The following CORO1C variants were observed in gnomAD, a reference collection of about 807,000 sequenced individuals.
CORO1C encodes the protein coronin 1C.
Under a neutral mutation model 51.2 loss-of-function variants are expected in CORO1C, and 14 were observed. That is an observed-to-expected ratio of 0.27 (90% confidence interval 0.18 to 0.43). The LOEUF is 0.43. Ranked by LOEUF, CORO1C falls within the 20% of genes least tolerant of loss-of-function variation. CORO1C has a pLI of 1.00. For missense variants in CORO1C, 417 were observed against 607.8 expected, an observed-to-expected ratio of 0.69 and a Z score of 3.30; for synonymous variants, 181 against 210.5, an observed-to-expected ratio of 0.86 and a Z score of 1.21.
At chr12:108,699,230 A>G (rs1415261420) in intron 2 of CORO1C, among the ~76,000 whole-genome samples, 2 of 152,234 alleles carry the variant, frequency 1.3e-5, no homozygotes, top group East Asian at 3.8e-4. Context: ...AAACCAAATC[A>G]TAAGATCAGT....
chr12:108,683,865 C>T (rs2034208497), intron 2 of CORO1C, among the ~76,000 whole-genome samples: 1 of 152,050 alleles, frequency 6.6e-6, no homozygotes, highest in East Asian at 1.9e-4. Flanking sequence ...TTCCAGAGAA[C>T]AGAAAAAAGA....
chr12:108,724,463 C>T (rs2136890081), intron 1 of CORO1C, among the ~76,000 whole-genome samples: 1 of 152,322 alleles, frequency 6.6e-6, no homozygotes. Context: ...AAAGTCTCCT[C>T]ATCTGTAAAA....
chr12:108,661,918 A>C (rs898481223), intron 4 of CORO1C, 111 bp downstream of exon 4: 1 of 1,218,462 alleles, frequency 8.2e-7, no homozygotes. Flanking sequence ...TGGTTTCCTA[A>C]TAATCTGCTT....
intron 4 of CORO1C, 47 bp downstream of exon 4, chr12:108,661,982 C>T: frequency 6.2e-7 from 1 of 1,611,492 alleles, no homozygotes; most frequent in Non-Finnish European, 8.5e-7. Flanking sequence ...ACTCAGAGAG[C>T]CACAAGAGTG....
At chr12:108,693,126 A>G (rs1339817389) in intron 2 of CORO1C, among the ~76,000 whole-genome samples, 1 of 152,040 alleles carries the variant, frequency 6.6e-6, no homozygotes, top group East Asian at 1.9e-4. Context: ...CCTCCCCCCT[A>G]AAGAAAAATT....
At position 108,647,540 on chromosome 12, in the gene CORO1C, G is replaced by C; in HGVS notation, c.1306-18C>G. 6.4e-7 allele frequency: 1 copy of C among 1,569,098 alleles called. No homozygotes were observed. Among genetic ancestry groups the C allele is most frequent in the East Asian group, 2.3e-5 (1 of 44,430 alleles). On this transcript the variant is annotated intron_variant, in intron 10 of 10. Coordinates refer to ENST00000261401, the MANE Select transcript of CORO1C (RefSeq NM_014325.4). ...TCATTTTGCTAAGAAAACAAAAAAA[G>C]GAGGCAGTGATTAAAATGCAGTAAA...
chr12:108,722,617 C>T (rs550519149), intron 1 of CORO1C, among the ~76,000 whole-genome samples: 1 of 152,316 alleles, frequency 6.6e-6, no homozygotes, highest in South Asian at 2.1e-4. Flanking sequence ...ACTTACAATG[C>T]TGAATCAACA....
intron 3 of CORO1C, among the ~76,000 whole-genome samples, chr12:108,668,920 A>T (rs550247366): frequency 6.6e-6 from 1 of 152,342 alleles, no homozygotes; most frequent in Admixed American, 6.5e-5. Context: ...ACAATCTTAA[A>T]ACTCTCTTTG....
intron 1 of CORO1C, among the ~76,000 whole-genome samples, chr12:108,724,599 A>G (rs2035544718): frequency 6.6e-6 from 1 of 152,232 alleles, no homozygotes; most frequent in Non-Finnish European, 1.5e-5. Flanking sequence ...GTCAAGAATG[A>G]GGACCTCTGT....
chr12:108,700,984 G>A, intron 2 of CORO1C, 140 bp downstream of exon 2: 1 of 899,930 alleles, frequency 1.1e-6, no homozygotes, highest in Non-Finnish European at 1.8e-6. Flanking sequence ...TGGTTAGTAA[G>A]GCGTGTGGAA....
At chr12:108,655,392 G>A (rs1355378504) in intron 6 of CORO1C, among the ~76,000 whole-genome samples, 15 of 55,496 alleles carry the variant, frequency 2.7e-4, no homozygotes, top group African/African-American at 5.8e-4. Flanking sequence ...CTCTCCCCAC[G>A]GTCTCCCTCT....
intron 7 of CORO1C, 111 bp from the exon 8 acceptor site, chr12:108,652,528 AG>A (rs1407186044): frequency 5.1e-6 from 4 of 790,772 alleles, no homozygotes; most frequent in Non-Finnish European, 8.4e-6. Flanking sequence ...CCGCTTCAGT[AG>A]CTGACCTTTT....
chr12:108,673,353 G>A (rs1330759568), intron 3 of CORO1C, among the ~76,000 whole-genome samples: 3 of 152,206 alleles, frequency 2.0e-5, no homozygotes, highest in African/African-American at 7.2e-5. Context: ...CATGGAGGCT[G>A]ACAGAGGTGA....
chr12:108,658,990 A>G lies in CORO1C; in HGVS notation c.449-71T>C. 1 of 1,480,664 alleles carries G rather than the reference A, an allele frequency of 6.8e-7. No individual in the cohort carries two copies. The highest frequency in any genetic ancestry group is 9.3e-7 in the Non-Finnish European group (1 of 1,079,816). 91.7% of individuals were successfully genotyped at this position (1,480,664 alleles called of 1,614,324 possible). ...ATGTAACACACTCAGAAAACTACAGATACAGTGAGAATACACATATGTATA... is the reference window on the plus strand; with the variant it reads ...ATGTAACACACTCAGAAAACTACAGGTACAGTGAGAATACACATATGTATA... On this transcript the variant is annotated intron_variant, in intron 4 of 10. Coordinates refer to ENST00000261401, the MANE Select transcript of CORO1C (RefSeq NM_014325.4). This position sits in a 1 kb window ranked among gnomAD's most constrained non-coding sequence, Gnocchi z 4.9.
In CORO1C at chr12:108,714,812, T is replaced by C. The variant is rs369898846; in HGVS notation, c.-5-13489A>G. Among the ~76,000 whole-genome samples, 78 of 152,248 alleles carry C rather than the reference T, an allele frequency of 5.1e-4. 2 individuals carry two copies. The East Asian group carries it at 0.01, about 20-fold the overall frequency. On this transcript the variant is annotated intron_variant, in intron 1 of 10. Transcript: ENST00000261401. ...GGTATAATAAAGAGGTATCATACTT[T>C]TTAAAGTTTTCAAAGAAGAGCACTC...
In CORO1C at chr12:108,658,007, G is replaced by A. The variant is rs2033099253; in HGVS notation, c.631-584C>T. Among the ~76,000 whole-genome samples the A allele has an allele frequency of 6.6e-6, 1 of 152,156 alleles. No individual in the cohort carries two copies. The highest frequency in any genetic ancestry group is 2.4e-5 in the African/African-American group (1 of 41,428). ...CAGCCAAAGAACAACCACATCTCAGGAAGGGCCTCAGAGTGTGGCAAATGA... is the reference window on the plus strand; with the variant it reads ...CAGCCAAAGAACAACCACATCTCAGAAAGGGCCTCAGAGTGTGGCAAATGA... On this transcript the variant is annotated intron_variant, in intron 5 of 10. Transcript: ENST00000261401. This position sits in a 1 kb window ranked among gnomAD's most constrained non-coding sequence, Gnocchi z 4.9.
chr12:108,681,853 T>C (rs1445911345), intron 2 of CORO1C, among the ~76,000 whole-genome samples: 2 of 152,154 alleles, frequency 1.3e-5, no homozygotes, highest in East Asian at 1.9e-4. Context: ...ACAGGTACTA[T>C]GTAAAACAGT....
At chr12:108,681,713 G>T (rs1039380396) in intron 2 of CORO1C, among the ~76,000 whole-genome samples, 2 of 152,254 alleles carry the variant, frequency 1.3e-5, no homozygotes, top group African/African-American at 4.8e-5. Flanking sequence ...TAAATTCTTA[G>T]ATTTGTCTCA....
At chr12:108,679,125 A>AAAAAG (rs2034025946) in intron 2 of CORO1C, among the ~76,000 whole-genome samples, 1 of 148,390 alleles carries the variant, frequency 6.7e-6, no homozygotes, top group Non-Finnish European at 1.5e-5. Context: ...AAAAAAAAAA[A>AAAAAG]AAAAGAAACA....
Sources: gnomAD v4.1 joint callset for allele counts (sites outside exome capture counted in the v4.1 genomes callset) on GRCh38, gnomAD v4.1.1 for gene constraint, Gnocchi (gnomAD v3.1) non-coding constraint, MANE v1.5 for transcripts, NCBI Gene and HGNC (gene_info 2026-07-23, HGNC 2026-07-21) for gene names.